The following NFAT5 variants were observed in gnomAD, a reference collection of about 807,000 sequenced individuals.
NFAT5 encodes nuclear factor of activated T-cells 5.
Under a neutral mutation model 166.5 loss-of-function variants are expected in NFAT5, and 31 were observed. The observed-to-expected ratio is 0.19, with a 90% CI of 0.14 to 0.25. The LOEUF is 0.25. Ranked by LOEUF, NFAT5 falls within the 10% of genes least tolerant of loss-of-function variation. The pLI, the probability that NFAT5 is intolerant of heterozygous loss-of-function variation, is 1.00. For missense variants in NFAT5, 1,449 were observed against 1,821.8 expected, an observed-to-expected ratio of 0.80 and a Z score of 3.72; for synonymous variants, 612 against 639.7, an observed-to-expected ratio of 0.96 and a Z score of 0.65.
intron 3 of NFAT5, among the ~76,000 whole-genome samples, chr16:69,634,277 CA>C (rs745354566): frequency 0.013 from 1,146 of 84,956 alleles, 9 homozygotes; most frequent in African/African-American, 0.036. Context: ...TTCCGACTCA[CA>C]AAAAAAAAAA....
chr16:69,613,237 C>T (rs2033786358), intron 2 of NFAT5, among the ~76,000 whole-genome samples: 1 of 152,136 alleles, frequency 6.6e-6, no homozygotes, highest in Non-Finnish European at 1.5e-5. Context: ...CTGCCACTGC[C>T]TTGGTTCAGG....
intron 2 of NFAT5, among the ~76,000 whole-genome samples, chr16:69,571,516 C>T (rs1366117620): frequency 6.6e-6 from 1 of 152,124 alleles, no homozygotes; most frequent in Non-Finnish European, 1.5e-5. Context: ...GCTGTACTAA[C>T]TCCCAATGGT....
intron 6 of NFAT5, 118 bp from the exon 7 acceptor site, chr16:69,659,609 T>C: frequency 1.4e-6 from 1 of 707,960 alleles, no homozygotes; most frequent in Non-Finnish European, 2.1e-6. Context: ...TTTGTAACTT[T>C]ATTACATATT....
intron 3 of NFAT5, among the ~76,000 whole-genome samples, chr16:69,633,927 A>ATGTTCTACCCCATGAATAT (rs1433561591): frequency 1.3e-5 from 2 of 152,178 alleles, no homozygotes; most frequent in Non-Finnish European, 2.9e-5. Context: ...TCAGAACATT[A>ATGTTCTACCCCATGAATAT]TCTACCCCAT....
intron 2 of NFAT5, among the ~76,000 whole-genome samples, chr16:69,611,616 C>G (rs1416216537): frequency 6.6e-6 from 1 of 152,214 alleles, no homozygotes; most frequent in Admixed American, 6.5e-5. Flanking sequence ...TGAGGGTTTG[C>G]TCTCTGCTTT....
chr16:69,585,161 C>A (rs1805322437), intron 2 of NFAT5, among the ~76,000 whole-genome samples: 1 of 151,856 alleles, frequency 6.6e-6, no homozygotes, highest in African/African-American at 2.4e-5. Context: ...CCACGCCCAG[C>A]TAATTATTAT....
At chr16:69,654,239 A>G (rs72783103) in intron 5 of NFAT5, among the ~76,000 whole-genome samples, 3 of 152,226 alleles carry the variant, frequency 2.0e-5, no homozygotes, top group African/African-American at 2.4e-5. Context: ...TTGGCTAGTC[A>G]TATGGTAGAT....
chr16:69,703,429 T>G lies in NFAT5; in HGVS notation c.*7078T>G, dbSNP rs1355250624. The G allele has an allele frequency of 2.6e-5, 4 of 152,628 alleles. No homozygotes were observed. Among genetic ancestry groups the G allele is most frequent in the Non-Finnish European group, 5.9e-5 (4 of 68,028 alleles). 9.5% of individuals were successfully genotyped at this position (152,628 alleles called of 1,614,324 possible). A position where few individuals can be genotyped will look rare whatever the true frequency, so the allele number is the denominator to read the frequency against. On this transcript the variant is annotated 3_prime_UTR_variant, in exon 15 of 15. Transcript: ENST00000349945. ...GGGCATTTCTCGTTTCTCAAGTGTATGCATCATGGTAAATATAAACTAACC... is the reference window on the plus strand; with the variant it reads ...GGGCATTTCTCGTTTCTCAAGTGTAGGCATCATGGTAAATATAAACTAACC...
At chr16:69,575,967 C>T (rs2016722623) in intron 2 of NFAT5, among the ~76,000 whole-genome samples, 1 of 151,956 alleles carries the variant, frequency 6.6e-6, no homozygotes, top group Non-Finnish European at 1.5e-5. Flanking sequence ...ACCAGTTTTA[C>T]CCCAGAGCTG....
At chr16:69,641,277 C>CAAAAAA (rs60281310) in intron 3 of NFAT5, among the ~76,000 whole-genome samples, 6 of 72,874 alleles carry the variant, frequency 8.2e-5, no homozygotes, top group Non-Finnish European at 1.1e-4. Context: ...GACTCCGTCT[C>CAAAAAA]AAAAAAAAAA....
At chr16:69,680,356 T>C (rs2037007713) in intron 10 of NFAT5, among the ~76,000 whole-genome samples, 1 of 152,216 alleles carries the variant, frequency 6.6e-6, no homozygotes, top group Non-Finnish European at 1.5e-5. Context: ...TGAGATTTTC[T>C]TGTCTTCACT....
intron 3 of NFAT5, chr16:69,646,424 A>AT (rs2035441949): frequency 2.2e-6 from 1 of 459,014 alleles, no homozygotes; most frequent in South Asian, 2.4e-5. Context: ...TCAGTTGATT[A>AT]TATATTTTTT....
At chr16:69,665,086 C>T (rs6499242) in intron 7 of NFAT5, among the ~76,000 whole-genome samples, 6,603 of 152,188 alleles carry the variant, frequency 0.043, 492 homozygotes, top group African/African-American at 0.15. Context: ...CTTAAGTAAT[C>T]TTGACTTTAG....
At chr16:69,657,806 C>T (rs1293116465) in intron 6 of NFAT5, among the ~76,000 whole-genome samples, 1 of 133,870 alleles carries the variant, frequency 7.5e-6, no homozygotes, top group African/African-American at 2.8e-5. Context: ...TACATATAGG[C>T]CGGGCGCAGT....
intron 11 of NFAT5, among the ~76,000 whole-genome samples, chr16:69,689,536 A>T (rs1174643680): frequency 6.6e-6 from 1 of 152,210 alleles, no homozygotes; most frequent in East Asian, 1.9e-4. Context: ...ATATTTTTAG[A>T]TGAAAATATT....
chr16:69,701,456 C>T lies in NFAT5; in HGVS notation c.*5105C>T, dbSNP rs56059812. ...CATAAACAAATAGTTTCAGTAGGTC[C>T]CAGCTTTTACTTTTTCCATTTAAAC... On this transcript the variant is annotated 3_prime_UTR_variant, in exon 15 of 15. Transcript: ENST00000349945. 8.9e-3 allele frequency: 1,361 copies of T among 152,664 alleles called. 11 individuals are homozygous for T. Among genetic ancestry groups the T allele is most frequent in the Non-Finnish European group, 0.013 (905 of 68,022 alleles). The allele number at this position is 152,664 out of a possible 1,614,324, so 9.5% of individuals were successfully genotyped here.
At chr16:69,628,897 A>C (rs1030393929) in intron 3 of NFAT5, among the ~76,000 whole-genome samples, 3 of 152,210 alleles carry the variant, frequency 2.0e-5, no homozygotes, top group African/African-American at 7.2e-5. Flanking sequence ...ACATGGTGAA[A>C]CTGCGTCTCT....
At chr16:69,677,181 C>T (rs1376692857) in intron 9 of NFAT5, 22 bp from the exon 10 acceptor site, 3 of 1,588,910 alleles carry the variant, frequency 1.9e-6, no homozygotes, top group Middle Eastern at 1.7e-4. Flanking sequence ...TTTTCCAACT[C>T]TTGTGCTTTT....
intron 6 of NFAT5, among the ~76,000 whole-genome samples, chr16:69,658,897 C>T (rs917022506): frequency 6.6e-6 from 1 of 152,258 alleles, no homozygotes; most frequent in Admixed American, 6.5e-5. Context: ...TGTGTATCTT[C>T]CCAGTCTTTT....
Sources: allele counts gnomAD v4.1 joint callset (sites outside exome capture counted in the v4.1 genomes callset), GRCh38; gene constraint gnomAD v4.1.1; transcripts MANE v1.5; gene names NCBI Gene and HGNC (gene_info 2026-07-23, HGNC 2026-07-21).